The following SNRPN variants were observed in gnomAD, a reference collection of about 807,000 sequenced individuals.
The protein encoded by SNRPN is small nuclear ribonucleoprotein polypeptide N, also known as small nuclear ribonucleoprotein-associated protein N.
SNRPN carries 7 observed loss-of-function variants against 25.2 expected under a neutral mutation model. The ratio of observed to expected loss-of-function variants is 0.28; its 90% CI spans 0.16 to 0.52. SNRPN has a LOEUF of 0.52. Among genes scored for constraint, SNRPN ranks in the 20% least tolerant of loss-of-function variants. SNRPN has a pLI of 0.96. For missense variants in SNRPN, 196 were observed against 322.5 expected (o/e 0.61, Z 3.00); for synonymous variants, 124 against 110.6 (o/e 1.12, Z -0.76).
At chr15:24,970,840 A>G (rs1457269351) in intron 3 of SNRPN, among the ~76,000 whole-genome samples, 2 of 152,174 alleles carry the variant, frequency 1.3e-5, no homozygotes, top group South Asian at 2.1e-4. Flanking sequence ...AACCTTTCCA[A>G]TAAAGGAAAT....
At chr15:24,892,519 T>A (rs1257479490) in intron 2 of SNRPN, among the ~76,000 whole-genome samples, 1 of 152,184 alleles carries the variant, frequency 6.6e-6, no homozygotes, top group Non-Finnish European at 1.5e-5. Flanking sequence ...GGTGGATCAC[T>A]TGAGGTCAGG....
intron 2 of SNRPN, among the ~76,000 whole-genome samples, chr15:24,897,570 G>A (rs1034346935): frequency 4.6e-5 from 7 of 152,186 alleles, no homozygotes; most frequent in African/African-American, 1.4e-4. Context: ...GGATGACAAC[G>A]TGAGACCTTG....
chr15:24,914,623 C>A (rs1223617672), intron 2 of SNRPN, among the ~76,000 whole-genome samples: 1 of 152,166 alleles, frequency 6.6e-6, no homozygotes, highest in Non-Finnish European at 1.5e-5. Flanking sequence ...CCAGAGCAAT[C>A]AATGGCTCCA....
At chr15:24,917,079 C>T (rs903599375) in intron 2 of SNRPN, among the ~76,000 whole-genome samples, 7 of 152,190 alleles carry the variant, frequency 4.6e-5, no homozygotes, top group Admixed American at 2.6e-4. Context: ...TTACAAACCT[C>T]TAGCTACAGA....
chr15:24,957,780 A>G (rs1330674897), intron 1 of SNRPN, among the ~76,000 whole-genome samples: 1 of 151,830 alleles, frequency 6.6e-6, no homozygotes, highest in Admixed American at 6.6e-5. Flanking sequence ...ACATACATAT[A>G]TTTCTTGGTT....
Position 24,881,614 on chromosome 15 carries a change from AGAGAG to A in SNRPN, c.-578-4901_-578-4897del, listed in dbSNP as rs200397555. 8.7e-4 allele frequency among the ~76,000 whole-genome samples: 66 copies of A among 75,520 alleles called. 1 individual carries two copies. The highest frequency in any genetic ancestry group is 3.5e-3 in the African/African-American group (57 of 16,498). The allele number at this position is 75,520 out of a possible 152,430, so 49.5% of individuals were successfully genotyped here. A position where few individuals can be genotyped will look rare whatever the true frequency, so the allele number is the denominator to read the frequency against. On this transcript the variant is annotated intron_variant, in intron 1 of 11. Transcript: ENST00000400097. ...GAGAGAGAGAGAGAGAGAGAGAGAGAGAGAGAAAGTCACAGTAAGGCACCCTAGCA... is the reference window on the plus strand; with the variant it reads ...GAGAGAGAGAGAGAGAGAGAGAGAGAAAAGTCACAGTAAGGCACCCTAGCA...
chr15:24,954,905 C>T (rs1450705725), upstream of SNRPN: 1 of 1,234,924 alleles, frequency 8.1e-7, no homozygotes, highest in Non-Finnish European at 1.2e-6. Context: ...ACAAGCACGC[C>T]TGCGCGGCCG....
intron 1 of SNRPN, among the ~76,000 whole-genome samples, chr15:24,873,775 G>C (rs183411855): frequency 6.6e-5 from 10 of 151,920 alleles, no homozygotes; most frequent in African/African-American, 2.2e-4. Flanking sequence ...CTGAAATCAC[G>C]GAGTATATTC....
intron 1 of SNRPN, among the ~76,000 whole-genome samples, chr15:24,866,558 C>A (rs995120121): frequency 1.3e-5 from 2 of 152,106 alleles, no homozygotes; most frequent in Non-Finnish European, 2.9e-5. Flanking sequence ...CCACCATGCC[C>A]AGCTAATCTT....
At chr15:24,954,960 G>A (rs950910613), upstream of SNRPN, 2 of 1,584,218 alleles carry the variant, frequency 1.3e-6, no homozygotes, top group South Asian at 1.1e-5. Flanking sequence ...TGTGTGCGAA[G>A]CCTGCCGCTG....
At chr15:24,952,658 G>A (rs1036186808), upstream of SNRPN, among the ~76,000 whole-genome samples, 1 of 152,172 alleles carries the variant, frequency 6.6e-6, no homozygotes, top group Non-Finnish European at 1.5e-5. Context: ...AGTTTGAAAA[G>A]AGAACACACC....
intron 1 of SNRPN, among the ~76,000 whole-genome samples, chr15:24,860,486 TA>T (rs2053893837): frequency 6.6e-6 from 1 of 152,202 alleles, no homozygotes; most frequent in Non-Finnish European, 1.5e-5. Flanking sequence ...AAGCTCCATT[TA>T]AATTACAGAT....
At chr15:24,873,788 T>G (rs891682240) in intron 1 of SNRPN, among the ~76,000 whole-genome samples, 5 of 152,082 alleles carry the variant, frequency 3.3e-5, no homozygotes, top group Non-Finnish European at 7.4e-5. Flanking sequence ...GTATATTCTC[T>G]ACATCTCATT....
chr15:24,968,739 T>C (rs915036439), intron 3 of SNRPN: 33 of 152,190 alleles, frequency 2.2e-4, no homozygotes, highest in Non-Finnish European at 1.0e-4. Context: ...CCTTTTTGTT[T>C]TGTCTTTTTC....
rs1566921436 is a variant in SNRPN at position 24,927,475 on chromosome 15, A to ATTTTTTTTTTTTT, written c.-391+7351_-391+7352insTTTTTTTTTTTTT. On this transcript the variant is annotated intron_variant, in intron 3 of 11. Transcript: ENST00000400097. ...TTTCCCACTGCTTATAAAGTTTTTA[A>ATTTTTTTTTTTTT]ATTTTTTTTTTTTTTTTTTTTTTTT... Among the ~76,000 whole-genome samples the ATTTTTTTTTTTTT allele has an allele frequency of 2.7e-3, 301 of 113,296 alleles. 58 individuals carry two copies. The highest frequency in any genetic ancestry group is 3.5e-3 in the Non-Finnish European group (202 of 56,908). 74.3% of individuals were successfully genotyped at this position (113,296 alleles called of 152,430 possible).
chr15:24,866,351 C>T (rs2054570516), intron 1 of SNRPN, among the ~76,000 whole-genome samples: 2 of 151,994 alleles, frequency 1.3e-5, no homozygotes, highest in Admixed American at 1.3e-4. Flanking sequence ...TGTGTATTAC[C>T]TCACATAGTT....
At chr15:24,889,534 T>C (rs895450913) in intron 2 of SNRPN, among the ~76,000 whole-genome samples, 1 of 150,814 alleles carries the variant, frequency 6.6e-6, no homozygotes, top group Non-Finnish European at 1.5e-5. Flanking sequence ...CTTGATCTCC[T>C]GACCTCGTGA....
rs869100437 is a variant in SNRPN, at chr15:24,949,010, C to CTTTTTTTTT, written c.-390-13083_-390-13075dup. ...TTCTGTCTATATGGATTTGCCTATT[C>CTTTTTTTTT]TTTTTTTTTTTTTTTTTTTTTTTTT... On this transcript the variant is annotated intron_variant, in intron 3 of 11. Coordinates refer to the SNRPN transcript ENST00000400097. Among the ~76,000 whole-genome samples the CTTTTTTTTT allele has an allele frequency of 1.7e-4, 8 of 46,418 alleles. 1 individual carries two copies. The highest frequency in any genetic ancestry group is 7.0e-4 in the Admixed American group (2 of 2,858). 30.5% of individuals were successfully genotyped at this position (46,418 alleles called of 152,430 possible).
intron 2 of SNRPN, among the ~76,000 whole-genome samples, chr15:24,899,514 A>G (rs74005388): frequency 0.012 from 1,795 of 152,286 alleles, 39 homozygotes; most frequent in African/African-American, 0.041. Context: ...CATAGCATGC[A>G]TGCCTTTCTC....
Sources: gnomAD v4.1 joint callset for allele counts (sites outside exome capture counted in the v4.1 genomes callset) on GRCh38, gnomAD v4.1.1 for gene constraint, MANE v1.5 for transcripts, NCBI Gene and HGNC (gene_info 2026-07-23, HGNC 2026-07-21) for gene names.